The following TRPM3 variants were observed in gnomAD, a reference collection of about 807,000 sequenced individuals.
The protein encoded by TRPM3 is transient receptor potential cation channel subfamily M member 3.
In TRPM3, 77 loss-of-function variants were observed where a neutral mutation model predicts 181.2. The observed-to-expected ratio is 0.42, with a 90% CI of 0.35 to 0.51. The LOEUF is 0.51. Ranked by LOEUF, TRPM3 falls within the 20% of genes least tolerant of loss-of-function variation. The pLI is 0.01. For synonymous variants in TRPM3, 745 were observed against 796.4 expected (o/e 0.94, Z 1.09); for missense variants, 1,759 against 2,196.7 (o/e 0.80, Z 3.98).
intron 7 of TRPM3, among the ~76,000 whole-genome samples, chr9:70,781,649 A>G (rs1032996743): frequency 2.0e-5 from 3 of 152,134 alleles, no homozygotes; most frequent in African/African-American, 7.2e-5. Flanking sequence ...GTACATGTTC[A>G]TGATATACCA....
At chr9:70,752,047 TGTGC>T (rs768024534) in intron 8 of TRPM3, among the ~76,000 whole-genome samples, 4,342 of 97,460 alleles carry the variant, frequency 0.045, 85 homozygotes, top group East Asian at 0.16. Context: ...TGTGTGTGTG[TGTGC>T]GCGCGCGCGC....
Position 70,603,336 on chromosome 9 carries a change from C to T in TRPM3, c.2796+6G>A, listed in dbSNP as rs372791447. 1.9e-5 allele frequency: 30 copies of T among 1,610,568 alleles called. No individual in the cohort carries two copies. Among genetic ancestry groups the T allele is most frequent in the African/African-American group, 2.7e-5 (2 of 74,722 alleles). Reference sequence around the variant, plus strand: ...CTCTTACGTTTTCTTTTATAAAAGCCGTTACCTCTCTCATCTTTTCTATTC... The same window carrying T: ...CTCTTACGTTTTCTTTTATAAAAGCTGTTACCTCTCTCATCTTTTCTATTC... On this transcript the variant is annotated splice_donor_region_variant and intron_variant, in intron 20 of 25. Transcript: ENST00000677713.
chr9:70,781,928 G>A (rs1055300657), intron 7 of TRPM3, among the ~76,000 whole-genome samples: 1 of 151,928 alleles, frequency 6.6e-6, no homozygotes, highest in Non-Finnish European at 1.5e-5. Flanking sequence ...CTTTCATTGT[G>A]TATACACCTG....
intron 1 of TRPM3, among the ~76,000 whole-genome samples, chr9:71,151,018 G>T (rs2075706478): frequency 6.6e-6 from 1 of 152,110 alleles, no homozygotes; most frequent in African/African-American, 2.4e-5. Flanking sequence ...AAACTGTCTG[G>T]CAAAAATTCA....
chr9:70,564,560 T>C (rs2050028338), intron 22 of TRPM3, among the ~76,000 whole-genome samples: 1 of 152,168 alleles, frequency 6.6e-6, no homozygotes, highest in Non-Finnish European at 1.5e-5. Context: ...ATTTAGGGTA[T>C]TAGAGTATTC....
intron 1 of TRPM3, among the ~76,000 whole-genome samples, chr9:70,975,954 G>A (rs781265290): frequency 4.6e-5 from 7 of 152,164 alleles, no homozygotes; most frequent in Non-Finnish European, 5.9e-5. Context: ...CAAGCATAGT[G>A]GATACGGCAC....
At chr9:71,287,857 G>A (rs1588306366) in intron 1 of TRPM3, among the ~76,000 whole-genome samples, 1 of 152,174 alleles carries the variant, frequency 6.6e-6, no homozygotes, top group East Asian at 1.9e-4. Context: ...CTGGAATTTG[G>A]ATTTTGGAAG....
chr9:71,059,045 A>G (rs1350247718), intron 1 of TRPM3, among the ~76,000 whole-genome samples: 2 of 37,494 alleles, frequency 5.3e-5, no homozygotes, highest in East Asian at 1.9e-3. Flanking sequence ...TTTTTTTACC[A>G]GTCACTATTA....
chr9:71,009,206 A>G (rs2097710244), intron 1 of TRPM3, among the ~76,000 whole-genome samples: 1 of 152,198 alleles, frequency 6.6e-6, no homozygotes, highest in Non-Finnish European at 1.5e-5. Context: ...GAGTACTGAA[A>G]GCTCTAGCCA....
intron 1 of TRPM3, among the ~76,000 whole-genome samples, chr9:71,003,216 T>C (rs2097633452): frequency 1.4e-5 from 2 of 146,526 alleles, no homozygotes; most frequent in Admixed American, 1.4e-4. Context: ...AAAAAACACT[T>C]AACAGTATAT....
At chr9:71,123,471 A>G (rs1188287679), upstream of TRPM3, among the ~76,000 whole-genome samples, 2 of 152,190 alleles carry the variant, frequency 1.3e-5, no homozygotes, top group Non-Finnish European at 2.9e-5. Context: ...ATAAGCTAAT[A>G]TTGGCAAAGC....
At chr9:71,418,401 G>A (rs1489335709) in intron 1 of TRPM3, among the ~76,000 whole-genome samples, 1 of 151,874 alleles carries the variant, frequency 6.6e-6, no homozygotes. Context: ...GTCTCATCAG[G>A]ATACGCCTCT....
intron 1 of TRPM3, among the ~76,000 whole-genome samples, chr9:71,249,758 T>C (rs565727098): frequency 2.6e-4 from 39 of 152,278 alleles, no homozygotes; most frequent in Non-Finnish European, 3.7e-4. Context: ...TACACATGAC[T>C]GGTATCATAG....
chr9:71,416,318 C>T (rs1046297160), intron 1 of TRPM3, among the ~76,000 whole-genome samples: 3 of 151,804 alleles, frequency 2.0e-5, no homozygotes, highest in African/African-American at 7.3e-5. Context: ...TTTTAAATTA[C>T]AATTACTTTT....
At chr9:70,763,911 A>T (rs1455193712) in intron 7 of TRPM3, among the ~76,000 whole-genome samples, 2 of 152,220 alleles carry the variant, frequency 1.3e-5, no homozygotes, top group African/African-American at 4.8e-5. Context: ...ATGAATGAGC[A>T]TCGGCATAGT....
At chr9:71,430,463 C>T (rs140413485) in intron 1 of TRPM3, among the ~76,000 whole-genome samples, 3 of 152,244 alleles carry the variant, frequency 2.0e-5, no homozygotes, top group Non-Finnish European at 4.4e-5. Context: ...TTTAAATATA[C>T]TTGGCTTTAA....
At chr9:70,819,553 A>G (rs1384268864) in intron 6 of TRPM3, among the ~76,000 whole-genome samples, 2 of 152,216 alleles carry the variant, frequency 1.3e-5, no homozygotes, top group African/African-American at 2.4e-5. Flanking sequence ...AGGGTAAAGA[A>G]AAAAACAGAG....
At position 71,026,770 on chromosome 9, in the gene TRPM3, G is replaced by C. The variant is rs775638435; in HGVS notation, c.177+94408C>G. ...CCTAAGCGGCCACCACTGCCAGTGT[G>C]AATGTGCACAGAGGGAGCACACAAT... On this transcript the variant is annotated intron_variant, in intron 1 of 25. Transcript: ENST00000677713. Among the ~76,000 whole-genome samples the C allele has an allele frequency of 4.5e-4, 69 of 152,208 alleles. 1 individual carries two copies. The highest frequency in any genetic ancestry group is 2.6e-4 in the Admixed American group (4 of 15,286).
intron 1 of TRPM3, among the ~76,000 whole-genome samples, chr9:71,321,572 CA>C (rs1374711386): frequency 6.6e-6 from 1 of 152,076 alleles, no homozygotes; most frequent in Non-Finnish European, 1.5e-5. Context: ...AAAAAATAAA[CA>C]GGGTTAAACA....
Sources: allele counts gnomAD v4.1 joint callset (sites outside exome capture counted in the v4.1 genomes callset), GRCh38; gene constraint gnomAD v4.1.1; transcripts MANE v1.5; gene names NCBI Gene and HGNC (gene_info 2026-07-23, HGNC 2026-07-21).